The following BMAL2 variants were observed in gnomAD, a reference collection of about 807,000 sequenced individuals.
BMAL2 encodes basic helix-loop-helix ARNT-like protein 2.
At chr12:27,368,211 G>C in the BMAL2 span, 11 of 1,599,936 alleles carry the variant, frequency 6.9e-6, no homozygotes, top group Non-Finnish European at 9.4e-6. Context: ...TATGTACAAA[G>C]TAAAAGTTAA....
chr12:27,383,344 T>C, the BMAL2 span, among the ~76,000 whole-genome samples: 1 of 142,264 alleles, frequency 7.0e-6, no homozygotes, highest in Non-Finnish European at 1.5e-5. Context: ...GTTACTGTCA[T>C]TTTGATTTTT....
At chr12:27,378,516 G>A in the BMAL2 span, among the ~76,000 whole-genome samples, 3 of 152,244 alleles carry the variant, frequency 2.0e-5, no homozygotes, top group Admixed American at 2.0e-4. Flanking sequence ...TGGCATGTGT[G>A]AGGATGAGCA....
chr12:27,377,962 C>T, the BMAL2 span, among the ~76,000 whole-genome samples: 3 of 151,690 alleles, frequency 2.0e-5, no homozygotes, highest in East Asian at 1.9e-4. Context: ...CCTCCCTACT[C>T]TTATCTGGAA....
chr12:27,398,740 A>T, the BMAL2 span, among the ~76,000 whole-genome samples: 1 of 152,360 alleles, frequency 6.6e-6, no homozygotes, highest in Non-Finnish European at 1.5e-5. Flanking sequence ...GCTAGGTTCT[A>T]TGTGATGAGA....
the BMAL2 span, chr12:27,400,400 A>C: frequency 5.7e-6 from 4 of 698,786 alleles, no homozygotes. Context: ...ATGGAATACC[A>C]TTCCCCTTTC....
At chr12:27,387,245 A>G in the BMAL2 span, 1 of 1,611,676 alleles carries the variant, frequency 6.2e-7, no homozygotes, top group Non-Finnish European at 8.5e-7. Context: ...AAGGCTTCTT[A>G]TTTGTGGTTG....
At chr12:27,389,388 A>G in the BMAL2 span, 6 of 772,942 alleles carry the variant, frequency 7.8e-6, no homozygotes, top group Non-Finnish European at 6.4e-6. Context: ...ACAGCTAACT[A>G]AGCTTTTATC....
At chr12:27,411,534 C>T in the BMAL2 span, among the ~76,000 whole-genome samples, 2 of 152,042 alleles carry the variant, frequency 1.3e-5, no homozygotes, top group Non-Finnish European at 2.9e-5. Context: ...GGGAGGATCA[C>T]TTGAGCCCAG....
chr12:27,385,053 C>T, the BMAL2 span, among the ~76,000 whole-genome samples: 1 of 152,180 alleles, frequency 6.6e-6, no homozygotes, highest in African/African-American at 2.4e-5. Flanking sequence ...GTGGCTCACT[C>T]CTGTAATCCC....
At chr12:27,407,594 G>C in the BMAL2 span, among the ~76,000 whole-genome samples, 432 of 152,216 alleles carry the variant, frequency 2.8e-3, 2 homozygotes, top group African/African-American at 9.6e-3. Flanking sequence ...ATTCAAAGCA[G>C]TGTGTAGAGG....
At chr12:27,409,488 A>G in the BMAL2 span, among the ~76,000 whole-genome samples, 1 of 152,264 alleles carries the variant, frequency 6.6e-6, no homozygotes, top group Non-Finnish European at 1.5e-5. Context: ...AAAAGAAGAA[A>G]TGGGGAAAGG....
chr12:27,409,226 C>T, the BMAL2 span, among the ~76,000 whole-genome samples: 4 of 152,172 alleles, frequency 2.6e-5, no homozygotes, highest in South Asian at 4.1e-4. Flanking sequence ...ACTTTCTTCA[C>T]AGAATTGGAA....
the BMAL2 span, among the ~76,000 whole-genome samples, chr12:27,360,396 A>G: frequency 6.6e-6 from 1 of 152,170 alleles, no homozygotes; most frequent in East Asian, 1.9e-4. Flanking sequence ...TCAATTAGAT[A>G]ATAATTGTGT....
chr12:27,386,893 A>C, the BMAL2 span, among the ~76,000 whole-genome samples: 1 of 152,280 alleles, frequency 6.6e-6, no homozygotes, highest in East Asian at 1.9e-4. Context: ...GGCCTCCCAA[A>C]GTGCTGGGAT....
chr12:27,339,679 C>T, the BMAL2 span, among the ~76,000 whole-genome samples: 2 of 151,264 alleles, frequency 1.3e-5, 1 homozygote, highest in South Asian at 4.2e-4. Context: ...GGCTGGAGTG[C>T]AGTGGTGCGA....
the BMAL2 span, chr12:27,422,735 C>A: frequency 3.9e-5 from 6 of 152,236 alleles, no homozygotes; most frequent in African/African-American, 1.2e-4. Flanking sequence ...AGCAGAGGGG[C>A]CTGCCTACCA....
At chr12:27,333,506 TC>T in the BMAL2 span, among the ~76,000 whole-genome samples, 1 of 152,246 alleles carries the variant, frequency 6.6e-6, no homozygotes, top group Non-Finnish European at 1.5e-5. Context: ...TGCGGGGACT[TC>T]CTATATTTCT....
At chr12:27,397,475 G>A in the BMAL2 span, among the ~76,000 whole-genome samples, 2 of 152,192 alleles carry the variant, frequency 1.3e-5, no homozygotes, top group African/African-American at 4.8e-5. Flanking sequence ...TTTAAACTTA[G>A]AGGAAGACTA....
At chr12:27,376,620 A>T in the BMAL2 span, among the ~76,000 whole-genome samples, 510 of 152,346 alleles carry the variant, frequency 3.3e-3, 3 homozygotes, top group Non-Finnish European at 6.5e-3. Context: ...GCTTAAAAAA[A>T]AACCTATTAT....
Sources: allele counts gnomAD v4.1 joint callset (sites outside exome capture counted in the v4.1 genomes callset), GRCh38; gene constraint gnomAD v4.1.1; transcripts MANE v1.5; gene names NCBI Gene and HGNC (gene_info 2026-07-23, HGNC 2026-07-21).